The following NCOA4 variants were observed in gnomAD, a reference collection of about 807,000 sequenced individuals.
NCOA4 encodes the protein 70 kDa AR-activator.
In NCOA4, 31 loss-of-function variants were observed where a neutral mutation model predicts 69.5. That is an observed-to-expected ratio of 0.45 (90% CI 0.34 to 0.60). The LOEUF (loss-of-function observed/expected upper bound fraction) is 0.60, where lower values mean the gene tolerates loss of function less well. Ranked by LOEUF, NCOA4 falls within the 20% of genes least tolerant of loss-of-function variation. NCOA4 has a pLI of 0.02. For missense variants in NCOA4, 600 were observed against 719.2 expected (o/e 0.83, Z 1.90); for synonymous variants, 228 against 252.4 (o/e 0.90, Z 0.92).
intron 1 of NCOA4, chr10:46,022,337 C>A: frequency 2.3e-6 from 1 of 425,660 alleles, no homozygotes. Flanking sequence ...GATGAGACAA[C>A]CTGCATTAGA....
rs1838760463 is a variant in NCOA4, at chr10:46,005,517, T to C, written c.*1075A>G. 4.5e-6 allele frequency: 1 copy of C among 220,500 alleles called. No homozygotes were observed. The highest frequency in any genetic ancestry group is 2.2e-5 in the African/African-American group (1 of 44,608). The allele number at this position is 220,500 out of a possible 1,614,324, so 13.7% of individuals were successfully genotyped here. A position where few individuals can be genotyped will look rare whatever the true frequency, so the allele number is the denominator to read the frequency against. On this transcript the variant is annotated 3_prime_UTR_variant, in exon 10 of 10. Transcript: ENST00000581486. Reference sequence around the variant, plus strand: ...AACATTATAAACCCCACTTCTCTCCTACACAGACATTTTAAAGCATGGACG... The same window carrying C: ...AACATTATAAACCCCACTTCTCTCCCACACAGACATTTTAAAGCATGGACG...
At chr10:46,011,262 A>T (rs1839186461) in intron 7 of NCOA4, 56 bp from the exon 8 acceptor site, 1 of 1,500,810 alleles carries the variant, frequency 6.7e-7, no homozygotes, top group South Asian at 1.4e-5. Context: ...TGCTTTGGAG[A>T]TTCTGTCTGC....
intron 1 of NCOA4, among the ~76,000 whole-genome samples, chr10:46,027,252 G>A (rs1174461627): frequency 2.4e-5 from 3 of 126,670 alleles, no homozygotes; most frequent in African/African-American, 6.1e-5. Context: ...CCTCCTGACA[G>A]AGCAAGACTC....
intron 5 of NCOA4, among the ~76,000 whole-genome samples, chr10:46,013,933 A>T (rs72795897): frequency 0.052 from 7,950 of 152,320 alleles, 247 homozygotes; most frequent in Non-Finnish European, 0.075. Flanking sequence ...ATATTTCAAA[A>T]GTATTTAGAG....
Position 46,013,146 on chromosome 10 carries a change from C to T in NCOA4, c.571-120G>A, listed in dbSNP as rs142443953. On this transcript the variant is annotated intron_variant, in intron 6 of 9. Transcript: ENST00000581486. Reference sequence around the variant, plus strand: ...GGGCAAATCATGTGCCTTCCAAGAGCCTCAATTTTCACAATTATAAAACAA... The same window carrying T: ...GGGCAAATCATGTGCCTTCCAAGAGTCTCAATTTTCACAATTATAAAACAA... 18 of 838,360 alleles carry T rather than the reference C, an allele frequency of 2.1e-5. 1 individual carries two copies. The South Asian group carries it at 3.1e-4, about 14-fold the overall frequency. The allele number at this position is 838,360 out of a possible 1,614,324, so 51.9% of individuals were successfully genotyped here.
intron 6 of NCOA4, 81 bp downstream of exon 6, chr10:46,013,469 A>AT (rs1397305891): frequency 2.3e-5 from 24 of 1,030,868 alleles, no homozygotes; most frequent in South Asian, 1.5e-4. Flanking sequence ...AAATAGTAGC[A>AT]TTTTTTTAAT....
At position 46,009,402 on chromosome 10, in the gene NCOA4, T is replaced by C. The variant is rs527330056; in HGVS notation, c.1839+9A>G. 10 of 1,604,282 alleles carry C rather than the reference T, an allele frequency of 6.2e-6. No individual in the cohort carries two copies. Among genetic ancestry groups the C allele is most frequent in the African/African-American group, 1.3e-5 (1 of 74,366 alleles). ...TAATCTAATTTTCATGCTGGTGGCATGTACCCACCTGTAGAGGAGTTCGAT... is the reference window on the plus strand; with the variant it reads ...TAATCTAATTTTCATGCTGGTGGCACGTACCCACCTGTAGAGGAGTTCGAT... On this transcript the variant is annotated intron_variant, in intron 9 of 9. Transcript: ENST00000581486.
intron 1 of NCOA4, among the ~76,000 whole-genome samples, chr10:46,023,968 T>C (rs904837414): frequency 6.6e-6 from 1 of 152,210 alleles, no homozygotes; most frequent in Non-Finnish European, 1.5e-5. Flanking sequence ...CTGTTGTCTA[T>C]GCATATAAAG....
chr10:46,008,537 T>G (rs1838988099), intron 9 of NCOA4, among the ~76,000 whole-genome samples: 1 of 152,198 alleles, frequency 6.6e-6, no homozygotes, highest in Non-Finnish European at 1.5e-5. Flanking sequence ...TGATCAAACT[T>G]AAACGGATGA....
chr10:46,023,004 G>T (rs1431888056), intron 1 of NCOA4, among the ~76,000 whole-genome samples: 4 of 152,140 alleles, frequency 2.6e-5, no homozygotes, highest in Non-Finnish European at 5.9e-5. Context: ...ACTAGGCTCA[G>T]ATTTGTCCAC....
At chr10:46,022,585 C>T (rs1362170613) in intron 1 of NCOA4, 1 of 395,348 alleles carries the variant, frequency 2.5e-6, no homozygotes, top group Non-Finnish European at 5.1e-6. Context: ...CTCAGCCTCC[C>T]AGGTAGCTGG....
intron 6 of NCOA4, 139 bp from the exon 7 acceptor site, chr10:46,013,165 A>G (rs1839336690): frequency 9.5e-6 from 7 of 733,320 alleles, no homozygotes; most frequent in Non-Finnish European, 1.3e-5. Context: ...TCACAATTAT[A>G]AAACAAGAGA....
intron 9 of NCOA4, chr10:46,009,139 A>G: frequency 6.5e-7 from 1 of 1,548,228 alleles, no homozygotes; most frequent in Non-Finnish European, 8.7e-7. Flanking sequence ...AGGTAGGTAT[A>G]TAAACTACTA....
At chr10:46,027,203 G>A (rs577085793) in intron 1 of NCOA4, among the ~76,000 whole-genome samples, 3 of 150,300 alleles carry the variant, frequency 2.0e-5, no homozygotes, top group South Asian at 4.2e-4. Flanking sequence ...CCCGGAAGGC[G>A]GAGCTTGCAA....
intron 1 of NCOA4, among the ~76,000 whole-genome samples, chr10:46,021,212 C>T (rs1026509248): frequency 2.6e-5 from 4 of 152,106 alleles, no homozygotes; most frequent in African/African-American, 9.7e-5. Context: ...CATAAAATTT[C>T]CAAAGAGCTT....
rs141939796 is a variant in NCOA4, at chr10:46,016,753, G to C, written c.-14-59C>G. Reference sequence around the variant, plus strand: ...ATAATTACAACCAAAAACCACCTTTGAATCATCCCTCAAATGATCATTCCA... The same window carrying C: ...ATAATTACAACCAAAAACCACCTTTCAATCATCCCTCAAATGATCATTCCA... On this transcript the variant is annotated intron_variant, in intron 1 of 9. Transcript: ENST00000581486. 2,921 of 1,214,846 alleles carry C rather than the reference G, an allele frequency of 2.4e-3. 14 individuals carry two copies. Among genetic ancestry groups the C allele is most frequent in the East Asian group, 0.013 (487 of 36,186 alleles). The allele number at this position is 1,214,846 out of a possible 1,614,324, so 75.3% of individuals were successfully genotyped here.
chr10:46,012,115 A>AAAAAATATATATATATATATATATAT (rs1839269811), intron 7 of NCOA4, among the ~76,000 whole-genome samples: 1 of 146,420 alleles, frequency 6.8e-6, no homozygotes, highest in Non-Finnish European at 1.5e-5. Context: ...GAAAAAAGAA[A>AAAAAATATATATATATATATATATAT]ATACTCAACC....
chr10:46,006,828 T>G (rs1554919914), intron 9 of NCOA4, among the ~76,000 whole-genome samples: 2 of 152,204 alleles, frequency 1.3e-5, no homozygotes, highest in Admixed American at 1.3e-4. Context: ...CTCTTCTCTC[T>G]CCTCAGGCCT....
At position 46,016,523 on chromosome 10, in the gene NCOA4, A is replaced by G; in HGVS notation, c.141+17T>C. 6.9e-7 allele frequency: 1 copy of G among 1,454,046 alleles called. No individual in the cohort carries two copies. The highest frequency in any genetic ancestry group is 1.6e-5 in the South Asian group (1 of 64,170). The allele number at this position is 1,454,046 out of a possible 1,614,324, so 90.1% of individuals were successfully genotyped here. ...GTCAAGAGTCCAGACAACAGAAGAG[A>G]AAAGCACATGTCACACCTCTCGCAA... On this transcript the variant is annotated intron_variant, in intron 2 of 9. Coordinates refer to ENST00000581486, the MANE Select transcript of NCOA4 (RefSeq NM_001145263.2).
Sources: allele counts gnomAD v4.1 joint callset (sites outside exome capture counted in the v4.1 genomes callset), GRCh38; gene constraint gnomAD v4.1.1; transcripts MANE v1.5; gene names NCBI Gene and HGNC (gene_info 2026-07-23, HGNC 2026-07-21).